Variants in MED12 observed in about 807,000 individuals in gnomAD.
MED12 encodes the protein mediator of RNA polymerase II transcription subunit 12.
Under a neutral mutation model 177.7 loss-of-function variants are expected in MED12, and 10 were observed. That is an observed-to-expected ratio of 0.06 (90% CI 0.03 to 0.10). The LOEUF (loss-of-function observed/expected upper bound fraction) is 0.10, where lower values mean the gene tolerates loss of function less well. MED12 is among the 10% of genes least tolerant of loss of function. The probability of loss-of-function intolerance (pLI) is 1.00; values close to 1 mark genes in which losing one functional copy is unlikely to be tolerated. For synonymous variants in MED12, 641 were observed against 678.4 expected (o/e 0.94, Z 0.86); for missense variants, 867 against 1,780.8 (o/e 0.49, Z 9.23).
At chrX:71,138,192 A>G (rs1255367361) in intron 41 of MED12, among the ~76,000 whole-genome samples, 1 of 111,631 alleles carries the variant, frequency 9.0e-6, no homozygotes, top group Non-Finnish European at 1.9e-5. Flanking sequence ...TATCTGACTC[A>G]AGGAAAAATC....
chrX:71,136,185 C>A, intron 36 of MED12, 96 bp from the exon 37 acceptor site: 2 of 1,026,216 alleles, frequency 1.9e-6, no homozygotes, highest in Non-Finnish European at 2.7e-6. Flanking sequence ...TCTCCTGAAT[C>A]TGCCTATGAC....
intron 37 of MED12, 52 bp from the exon 38 acceptor site, chrX:71,136,827 C>T (rs2092333787): frequency 1.3e-5 from 16 of 1,206,635 alleles, no homozygotes; most frequent in African/African-American, 8.7e-5. Flanking sequence ...CCCAGCTCCC[C>T]GACCCCATTC....
chrX:71,135,344 A>C, intron 36 of MED12, 91 bp downstream of exon 36: 1 of 1,035,958 alleles, frequency 9.7e-7, no homozygotes, highest in Non-Finnish European at 1.4e-6. Context: ...CAACAGACTC[A>C]TCAGATTCAG....
At chrX:71,136,754 G>A (rs1453924907) in intron 37 of MED12, 99 bp downstream of exon 37, 17 of 1,178,053 alleles carry the variant, frequency 1.4e-5, no homozygotes, top group Middle Eastern at 3.2e-4. Context: ...AGGAAGGGGT[G>A]CCATTAGAAT....
At position 71,120,179 on chromosome X, in the gene MED12, C is replaced by T. The variant is rs1602294060; in HGVS notation, c.553+9C>T. On this transcript the variant is annotated intron_variant, in intron 4 of 44. Coordinates refer to ENST00000374080, the MANE Select transcript of MED12 (RefSeq NM_005120.3). ...TGTTGACCCTTTCATGGGTGAGTAA[C>T]TCCTAACACCAGGTGTACTGCTGAT... is the stretch of plus-strand genomic sequence containing the variant. The T allele has an allele frequency of 1.7e-6, 2 of 1,207,791 alleles. No homozygotes were observed. The highest frequency in any genetic ancestry group is 2.2e-6 in the Non-Finnish European group (2 of 892,366).
At position 71,127,090 on chromosome X, in the gene MED12, G is replaced by A; in HGVS notation, c.2807G>A (p.Cys936Tyr). Residue 936 changes from cysteine (C) to tyrosine (Y), a missense_variant, in exon 20 of 45, where the codon TGC becomes TAC. By Grantham distance (194) the Cys-to-Tyr change is radical. Around this residue, in one of 14 missense-constraint regions of MED12, gnomAD observed 70 missense variants for 143.6 expected, o/e 0.49. Coordinates refer to ENST00000374080, the MANE Select transcript of MED12 (RefSeq NM_005120.3). ...IVAVLRHYHA[C>Y]LILNQDQMAQ... ...GCTGTCCTGCGGCACTATCATGCCT[G>A]CCTCATCCTCAACCAGGACCAGATG... The A allele has an allele frequency of 8.3e-7, 1 of 1,211,758 alleles. No individual in the cohort carries two copies. Among genetic ancestry groups the A allele is most frequent in the Non-Finnish European group, 1.1e-6 (1 of 895,409 alleles).
intron 4 of MED12, among the ~76,000 whole-genome samples, chrX:71,120,604 T>C (rs771592870): frequency 4.9e-5 from 5 of 101,638 alleles, no homozygotes; most frequent in Non-Finnish European, 1.0e-4. Flanking sequence ...TAAGGTATTC[T>C]AAGTAGAAGG....
Position 71,132,293 on chromosome X carries a change from A to G in MED12, c.4254-84A>G, listed in dbSNP as rs193075820. 3.4e-6 allele frequency: 4 copies of G among 1,178,240 alleles called. No individual in the cohort carries two copies. In the African/African-American group the frequency reaches 7.0e-5, roughly 21 times the overall value. The stretch of plus-strand genomic sequence containing the variant: ...ATATCAGATGCGTGGAGATGCCAGC[A>G]TGTCCATCAGGGAAAGGAGAGGATA... On this transcript the variant is annotated intron_variant, in intron 30 of 44. Coordinates refer to ENST00000374080, the MANE Select transcript of MED12 (RefSeq NM_005120.3).
intron 13 of MED12, 60 bp downstream of exon 13, chrX:71,124,448 C>T: frequency 9.4e-6 from 9 of 956,002 alleles, no homozygotes; most frequent in Non-Finnish European, 1.3e-5. Context: ...TTCATGGCTC[C>T]CAGGGGCCTC....
intron 38 of MED12, 60 bp downstream of exon 38, chrX:71,137,089 G>T: frequency 1.4e-5 from 17 of 1,187,257 alleles, no homozygotes; most frequent in Non-Finnish European, 1.9e-5. Flanking sequence ...CCTGCCCAAA[G>T]GATGATGCCA....
rs924948129 is a variant in MED12, at chrX:71,126,244, AAGCCTCCTG to A, written c.2541+91_2542-88del. 4.3e-6 allele frequency: 5 copies of A among 1,163,338 alleles called. No homozygotes were observed. In the African/African-American group the frequency reaches 8.9e-5, roughly 21 times the overall value. Reference sequence around the variant, plus strand: ...CTATCTTCTCCCTGCTAGGCAGGCTAAGCCTCCTGGTCTCATCCCCTTCCAGTGTCATCC... The same window carrying A: ...CTATCTTCTCCCTGCTAGGCAGGCTAGTCTCATCCCCTTCCAGTGTCATCC... On this transcript the variant is annotated intron_variant, in intron 18 of 44. Coordinates refer to ENST00000374080, the MANE Select transcript of MED12 (RefSeq NM_005120.3).
chrX:71,134,930 C>T lies in MED12; in HGVS notation c.4863+82C>T, dbSNP rs191039265. On this transcript the variant is annotated intron_variant, in intron 35 of 44. Coordinates refer to ENST00000374080, the MANE Select transcript of MED12 (RefSeq NM_005120.3). The stretch of plus-strand genomic sequence containing the variant: ...CAGGAACTTGCTTCTGGCTGGAGCC[C>T]TCTACCTTTCCTTCTCACGTCTGCC... 8.4e-4 allele frequency: 984 copies of T among 1,176,735 alleles called. 2 individuals are homozygous for T. The highest frequency in any genetic ancestry group is 1.1e-3 in the Non-Finnish European group (935 of 869,676).
Position 71,133,150 on chromosome X carries a change from T to G in MED12, c.4555T>G (p.Tyr1519Asp). 1 of 1,204,620 alleles carries G rather than the reference T, an allele frequency of 8.3e-7. No individual in the cohort carries two copies. Among genetic ancestry groups the G allele is most frequent in the Non-Finnish European group, 1.1e-6 (1 of 889,212 alleles). ...QIVNNWRDDQ[Y>D]LDDCKPKQLM... ...TGTGAATAATTGGCGAGATGACCAG[T>G]ACTTAGATGATTGCAAACCAAAGCA... The change falls in exon 33 of 45, where the codon TAC becomes GAC. Residue 1519 changes from tyrosine (Y) to aspartate (D), a missense_variant. Tyr to Asp is a radical substitution (Grantham distance 160). Coordinates refer to ENST00000374080, the MANE Select transcript of MED12 (RefSeq NM_005120.3).
At position 71,128,327 on chromosome X, in the gene MED12, C is replaced by G. The variant is rs1248872712; in HGVS notation, c.3241C>G (p.Leu1081Val). 8.3e-7 allele frequency: 1 copy of G among 1,211,949 alleles called. No individual in the cohort carries two copies. Among genetic ancestry groups the G allele is most frequent in the South Asian group, 1.8e-5 (1 of 57,006 alleles). ...TGACATCGCAATCCTGTGTGCAGAG[C>G]TGACCGGCTATTGCAAGTCACTGAG... is the stretch of plus-strand genomic sequence containing the variant. ...VNDIAILCAE[L>V]TGYCKSLSAE... The change falls in exon 23 of 45, where the codon CTG becomes GTG. Residue 1081 changes from leucine (L) to valine (V), a missense_variant. By Grantham distance (32) the Leu-to-Val change is conservative. Coordinates refer to ENST00000374080, the MANE Select transcript of MED12 (RefSeq NM_005120.3).
chrX:71,137,206 A>G lies in MED12; in HGVS notation c.5571A>G (p.Pro1857=). Residue 1857 remains proline (P), a synonymous_variant, in exon 39 of 45, where the codon CCA becomes CCG. Coordinates refer to ENST00000374080, the MANE Select transcript of MED12 (RefSeq NM_005120.3). ...TTTCAGGTGGCCCTCGTGTGGACCC[A>G]TACCGTCCTGTGCGCTTACCAATGC... The part of the protein sequence containing the change: ...PLPAGGPRVD[P]YRPVRLPMQK... 2.5e-6 allele frequency: 3 copies of G among 1,211,118 alleles called. No individual in the cohort carries two copies. Among genetic ancestry groups the G allele is most frequent in the Non-Finnish European group, 3.4e-6 (3 of 894,821 alleles).
intron 9 of MED12, 59 bp downstream of exon 9, chrX:71,122,666 G>C (rs1275307741): frequency 1.7e-6 from 2 of 1,199,839 alleles, no homozygotes; most frequent in Non-Finnish European, 2.3e-6. Flanking sequence ...GGGATAGTAA[G>C]GACATGTAGA....
chrX:71,124,204 T>C lies in MED12; in HGVS notation c.1790T>C (p.Val597Ala). ...GAGCGGGTGGAATTCTTTAACTTAG[T>C]ACTGCTGTTCTGTGAACTGATTCGA... The part of the protein sequence containing the change: ...ESERVEFFNL[V>A]LLFCELIRHD... Residue 597 changes from valine to alanine, a missense_variant, in exon 13 of 45, where the codon GTA (valine) becomes GCA (alanine). Physicochemically the swap from Val to Ala is moderately conservative, Grantham distance 64. Transcript: ENST00000374080. 8.3e-7 allele frequency: 1 copy of C among 1,211,598 alleles called. No individual in the cohort carries two copies. Among genetic ancestry groups the C allele is most frequent in the Non-Finnish European group, 1.1e-6 (1 of 895,354 alleles).
chrX:71,124,052 G>C, intron 12 of MED12, 107 bp from the exon 13 acceptor site: 2 of 691,625 alleles, frequency 2.9e-6, no homozygotes, highest in Non-Finnish European at 2.3e-6. Flanking sequence ...ACAATTTCTG[G>C]GATTTCTATT....
In MED12 at chrX:71,129,337, G is replaced by A. The variant is rs2092310969; in HGVS notation, c.3599G>A (p.Arg1200His). 1.7e-6 allele frequency: 2 copies of A among 1,206,642 alleles called. No homozygotes were observed. Among genetic ancestry groups the A allele is most frequent in the Non-Finnish European group, 2.2e-6 (2 of 890,956 alleles). The change falls in exon 26 of 45, where the codon CGC becomes CAC. Residue 1200 changes from arginine to histidine, a missense_variant. This residue lies in a region of MED12 where 21 missense variants were observed against 35.5 expected (regional missense o/e 0.59). Transcript: ENST00000374080. ...SDGNKPTVGI[R>H]SSCDRHLLAA... Reference sequence around the variant, plus strand: ...CCAGACAAGCCTACAGTAGGAATCCGCTCCTCCTGCGACCGCCACCTGCTG... The same window carrying A: ...CCAGACAAGCCTACAGTAGGAATCCACTCCTCCTGCGACCGCCACCTGCTG...
Sources: allele counts gnomAD v4.1 joint callset (sites outside exome capture counted in the v4.1 genomes callset), GRCh38; gene constraint gnomAD v4.1.1; regional missense constraint gnomAD v4.1.1; transcripts MANE v1.5; gene names NCBI Gene and HGNC (gene_info 2026-07-23, HGNC 2026-07-21).